Variants in GPHN observed in about 807,000 individuals in gnomAD.
GPHN encodes gephyrin.
Under a neutral mutation model 95.5 loss-of-function variants are expected in GPHN, and 17 were observed. That is an observed-to-expected ratio of 0.18 (90% confidence interval 0.12 to 0.27). The LOEUF is 0.27. Among genes scored for constraint, GPHN ranks in the 10% least tolerant of loss-of-function variants. GPHN has a pLI of 1.00. For missense variants in GPHN, 660 were observed against 978.1 expected, an observed-to-expected ratio of 0.67 and a Z score of 4.34; for synonymous variants, 320 against 322.5, an observed-to-expected ratio of 0.99 and a Z score of 0.08.
At chr14:67,520,042 T>G in the GPHN span, among the ~76,000 whole-genome samples, 1 of 152,242 alleles carries the variant, frequency 6.6e-6, no homozygotes, top group East Asian at 1.9e-4. Flanking sequence ...TTTTTTACAG[T>G]GGTTTTAGGT....
chr14:67,343,278 T>G, the GPHN span: 1 of 891,408 alleles, frequency 1.1e-6, no homozygotes, highest in Non-Finnish European at 1.7e-6. Context: ...TATTCATCTT[T>G]CAGTCTTCAG....
At chr14:67,104,667 T>C (rs1034166115) in intron 13 of GPHN, among the ~76,000 whole-genome samples, 1 of 152,194 alleles carries the variant, frequency 6.6e-6, no homozygotes, top group African/African-American at 2.4e-5. Flanking sequence ...TAGTCTCTAA[T>C]GACCCTTTGT....
intron 2 of GPHN, among the ~76,000 whole-genome samples, chr14:66,702,389 C>A (rs1016216816): frequency 1.3e-5 from 2 of 152,190 alleles, no homozygotes; most frequent in African/African-American, 2.4e-5. Context: ...CAGGAGCGAT[C>A]CTACTGGCAT....
At chr14:67,690,453 A>G in the GPHN span, 8 of 1,586,096 alleles carry the variant, frequency 5.0e-6, no homozygotes, top group Non-Finnish European at 6.9e-6. Flanking sequence ...AATGAAGTTC[A>G]GGGCCATGTA....
At chr14:67,300,412 C>T in the GPHN span, among the ~76,000 whole-genome samples, 8 of 151,088 alleles carry the variant, frequency 5.3e-5, no homozygotes, top group Admixed American at 2.6e-4. Context: ...ACTGCAACCT[C>T]TACCTCCTGG....
At chr14:66,985,739 G>GTAAA in intron 9 of GPHN, 1 of 1,517,810 alleles carries the variant, frequency 6.6e-7, no homozygotes, top group Non-Finnish European at 8.8e-7. Context: ...ATCCCTCAAA[G>GTAAA]TAAATATGTT....
At chr14:66,557,300 C>T (rs999518381) in intron 1 of GPHN, among the ~76,000 whole-genome samples, 1 of 149,820 alleles carries the variant, frequency 6.7e-6, no homozygotes, top group Non-Finnish European at 1.5e-5. Flanking sequence ...ATTTAATGAG[C>T]GCTAAGATAT....
At chr14:67,371,723 C>T in the GPHN span, among the ~76,000 whole-genome samples, 1 of 152,200 alleles carries the variant, frequency 6.6e-6, no homozygotes, top group African/African-American at 2.4e-5. Flanking sequence ...AACAGCACTG[C>T]TGCTATATAT....
At chr14:67,339,028 C>G in the GPHN span, among the ~76,000 whole-genome samples, 2 of 131,890 alleles carry the variant, frequency 1.5e-5, no homozygotes, top group Admixed American at 8.6e-5. Context: ...GAGTCTTGCT[C>G]TGTCGCCCAG....
chr14:67,070,362 A>T (rs931425671), intron 11 of GPHN, among the ~76,000 whole-genome samples: 2 of 148,568 alleles, frequency 1.3e-5, no homozygotes, highest in East Asian at 2.0e-4. Context: ...TATATATATA[A>T]AATCACAACT....
the GPHN span, chr14:67,691,448 T>G: frequency 1.9e-6 from 1 of 513,278 alleles, no homozygotes; most frequent in Non-Finnish European, 3.5e-6. Context: ...AGAATTCCAT[T>G]TTATACTACC....
At chr14:66,778,651 T>C (rs1174054595) in intron 3 of GPHN, among the ~76,000 whole-genome samples, 4 of 150,062 alleles carry the variant, frequency 2.7e-5, no homozygotes, top group Non-Finnish European at 3.0e-5. Flanking sequence ...TCAAGTTCAC[T>C]AAATTCAAAT....
intron 10 of GPHN, among the ~76,000 whole-genome samples, chr14:67,036,540 C>G (rs75905122): frequency 0.019 from 2,776 of 148,322 alleles, 48 homozygotes; most frequent in African/African-American, 0.024. Context: ...CACACACACA[C>G]AGAGAAACAC....
chr14:66,978,693 C>T (rs2070430271), intron 9 of GPHN, among the ~76,000 whole-genome samples: 1 of 152,162 alleles, frequency 6.6e-6, no homozygotes, highest in Non-Finnish European at 1.5e-5. Flanking sequence ...TCTTCCAACT[C>T]CTATTAATGT....
chr14:66,869,294 A>G (rs2063341222), intron 4 of GPHN, among the ~76,000 whole-genome samples: 1 of 152,224 alleles, frequency 6.6e-6, no homozygotes, highest in Admixed American at 6.5e-5. Context: ...GTACTAGCAT[A>G]TGTGATTGAA....
chr14:66,605,914 C>G (rs2062510192), intron 1 of GPHN, among the ~76,000 whole-genome samples: 1 of 151,980 alleles, frequency 6.6e-6, no homozygotes, highest in African/African-American at 2.4e-5. Context: ...TTGTCAGATG[C>G]ATAGTTTGTG....
At chr14:66,900,929 G>A (rs1386185078) in intron 5 of GPHN, among the ~76,000 whole-genome samples, 1 of 151,918 alleles carries the variant, frequency 6.6e-6, no homozygotes. Context: ...TGGATCGTAT[G>A]GTAATTCTAT....
chr14:67,462,637 C>T, the GPHN span, among the ~76,000 whole-genome samples: 3 of 152,240 alleles, frequency 2.0e-5, no homozygotes, highest in Admixed American at 6.5e-5. Flanking sequence ...AGCCACCACG[C>T]CCGGCCAACA....
chr14:67,139,776 G>A (rs1320534370), intron 17 of GPHN, among the ~76,000 whole-genome samples: 1 of 152,154 alleles, frequency 6.6e-6, no homozygotes, highest in Non-Finnish European at 1.5e-5. Flanking sequence ...GAAGCCAGAA[G>A]CGTACAACAG....
Sources: allele counts gnomAD v4.1 joint callset (sites outside exome capture counted in the v4.1 genomes callset), GRCh38; gene constraint gnomAD v4.1.1; transcripts MANE v1.5; gene names NCBI Gene and HGNC (gene_info 2026-07-23, HGNC 2026-07-21).